CBFA2T3: variants seen among roughly 807,000 people sequenced by gnomAD.
CBFA2T3 encodes the protein transcriptional corepressor CBFA2T3.
In CBFA2T3, 31 loss-of-function variants were observed where a neutral mutation model predicts 58.6. That is an observed-to-expected ratio of 0.53 (90% CI 0.40 to 0.71). The LOEUF (loss-of-function observed/expected upper bound fraction) is 0.71, where lower values mean the gene tolerates loss of function less well. CBFA2T3 is among the 30% of genes least tolerant of loss of function. CBFA2T3 has a pLI of 0.00. For missense variants in CBFA2T3, 1,076 were observed against 963.1 expected (o/e 1.12, Z -1.55); for synonymous variants, 531 against 421.9 (o/e 1.26, Z -3.17).
intron 1 of CBFA2T3, among the ~76,000 whole-genome samples, chr16:88,975,074 T>C (rs1348995489): frequency 8.6e-6 from 1 of 116,748 alleles, no homozygotes; most frequent in African/African-American, 3.1e-5. Flanking sequence ...AGGGGCTCCC[T>C]GGGGGTGGGC....
intron 1 of CBFA2T3, among the ~76,000 whole-genome samples, chr16:88,973,602 C>T (rs556902247): frequency 2.6e-5 from 4 of 152,156 alleles, no homozygotes; most frequent in Non-Finnish European, 4.4e-5. Flanking sequence ...CAGAACATTC[C>T]AAACCCAGAA....
chr16:88,895,792 G>A (rs1035903035), intron 3 of CBFA2T3, among the ~76,000 whole-genome samples: 1 of 152,188 alleles, frequency 6.6e-6, no homozygotes, highest in Non-Finnish European at 1.5e-5. Context: ...AGACAGACAC[G>A]GCCCTGCCCT....
intron 1 of CBFA2T3, among the ~76,000 whole-genome samples, chr16:88,914,426 C>T (rs183716653): frequency 1.2e-4 from 18 of 152,348 alleles, no homozygotes; most frequent in African/African-American, 2.6e-4. Context: ...TGTCACGGGA[C>T]GCTCTCTATT....
intron 1 of CBFA2T3, among the ~76,000 whole-genome samples, chr16:88,946,791 GT>G: frequency 6.6e-6 from 1 of 150,934 alleles, no homozygotes; most frequent in Non-Finnish European, 1.5e-5. Flanking sequence ...GAGTTTTTTT[GT>G]TTGTTTATTT....
chr16:88,966,186 G>A (rs894527980), intron 1 of CBFA2T3, among the ~76,000 whole-genome samples: 6 of 152,234 alleles, frequency 3.9e-5, no homozygotes, highest in Non-Finnish European at 7.3e-5. Flanking sequence ...GGCCTGCACA[G>A]TCCCAGGACT....
At chr16:88,974,579 T>A (rs757349328) in intron 1 of CBFA2T3, among the ~76,000 whole-genome samples, 1 of 152,108 alleles carries the variant, frequency 6.6e-6, no homozygotes, top group Non-Finnish European at 1.5e-5. Context: ...ACGCCTTTGG[T>A]CTAAAGACAG....
intron 5 of CBFA2T3, among the ~76,000 whole-genome samples, chr16:88,889,247 G>C (rs1379858996): frequency 6.7e-6 from 1 of 150,214 alleles, no homozygotes. Context: ...CCATCTGGGA[G>C]CATGAGCACA....
rs374774667 is a variant in CBFA2T3, at chr16:88,976,608, G to A, written c.151+49C>T. 77 of 1,411,776 alleles carry A rather than the reference G, an allele frequency of 5.5e-5. No homozygotes were observed. The East Asian group carries it at 1.9e-3, about 35-fold the overall frequency. The allele number at this position is 1,411,776 out of a possible 1,614,324, so 87.5% of individuals were successfully genotyped here. ...CTAAGGAGTCACAGCCCCGGCACCG[G>A]CTGCCGCTCTCTGCCCCCACCCCAC... On this transcript the variant is annotated intron_variant, in intron 1 of 11. Transcript: ENST00000268679.
rs76759095 is a variant in CBFA2T3, at chr16:88,926,080, G to A, written c.152-24424C>T. Among the ~76,000 whole-genome samples the A allele has an allele frequency of 8.2e-3, 1,249 of 152,308 alleles. 6 individuals are homozygous for A. The highest frequency in any genetic ancestry group is 0.02 in the East Asian group (104 of 5,168). Reference sequence around the variant, plus strand: ...ATTGTGCAGGGAGCACTTGGTGGGCGCTGGGCGGTCTCACGTTCCCCACCT... The same window carrying A: ...ATTGTGCAGGGAGCACTTGGTGGGCACTGGGCGGTCTCACGTTCCCCACCT... On this transcript the variant is annotated intron_variant, in intron 1 of 11. Coordinates refer to ENST00000268679, the MANE Select transcript of CBFA2T3 (RefSeq NM_005187.6).
chr16:88,906,259 C>A (rs1204930768), intron 1 of CBFA2T3, among the ~76,000 whole-genome samples: 2 of 152,132 alleles, frequency 1.3e-5, no homozygotes, highest in African/African-American at 4.8e-5. Context: ...AGGTGCCTGG[C>A]TTCCCACCCC....
chr16:88,938,507 G>C (rs1177535201), intron 1 of CBFA2T3: 1 of 152,330 alleles, frequency 6.6e-6, no homozygotes, highest in African/African-American at 2.4e-5. Context: ...GGACGCGACA[G>C]TGCGTGTAAG....
intron 1 of CBFA2T3, among the ~76,000 whole-genome samples, chr16:88,963,274 C>CTCGTCTTCTGCCAGGGGTGGGCGT (rs1972414911): frequency 6.7e-6 from 1 of 148,992 alleles, no homozygotes; most frequent in African/African-American, 2.5e-5. Context: ...GGGGTGGGCG[C>CTCGTCTTCTGCCAGGGGTGGGCGT]TCGTCTTCTG....
chr16:88,917,589 T>G (rs1241114258), intron 1 of CBFA2T3, among the ~76,000 whole-genome samples: 1 of 152,132 alleles, frequency 6.6e-6, no homozygotes, highest in East Asian at 1.9e-4. Flanking sequence ...ATGTGTGAAT[T>G]GGCTGCAAAT....
intron 1 of CBFA2T3, among the ~76,000 whole-genome samples, chr16:88,954,312 G>GTCCTGACCCCACCCAAGGC (rs1972151645): frequency 2.7e-5 from 4 of 147,870 alleles, no homozygotes; most frequent in African/African-American, 5.0e-5. Context: ...CCACCCAAGG[G>GTCCTGACCCCACCCAAGGC]TCCTGACCCC....
chr16:88,879,742 T>C (rs1968990710), intron 10 of CBFA2T3: 2 of 423,216 alleles, frequency 4.7e-6, no homozygotes, highest in Admixed American at 3.8e-5. Flanking sequence ...CTGGGTCACG[T>C]GGTGTCACAA....
chr16:88,944,594 T>G (rs1477443267), intron 1 of CBFA2T3, among the ~76,000 whole-genome samples: 1 of 152,210 alleles, frequency 6.6e-6, no homozygotes, highest in Non-Finnish European at 1.5e-5. Context: ...TCCTGCCAAC[T>G]GCACTTCTGG....
chr16:88,964,187 C>T (rs1434916500), intron 1 of CBFA2T3, among the ~76,000 whole-genome samples: 1 of 152,232 alleles, frequency 6.6e-6, no homozygotes, highest in Non-Finnish European at 1.5e-5. Context: ...CTGTGTGCTG[C>T]TCCTGCCTGC....
intron 1 of CBFA2T3, among the ~76,000 whole-genome samples, chr16:88,960,383 G>A (rs772442665): frequency 1.3e-5 from 2 of 152,248 alleles, no homozygotes; most frequent in Non-Finnish European, 2.9e-5. Flanking sequence ...TAGCAGAGAA[G>A]ATGTGAAGAA....
chr16:88,936,084 A>G (rs1720414341), intron 1 of CBFA2T3, among the ~76,000 whole-genome samples: 1 of 152,070 alleles, frequency 6.6e-6, no homozygotes, highest in South Asian at 2.1e-4. Flanking sequence ...CTGCAGCTGG[A>G]GCTGCTTCCC....
Sources: gnomAD v4.1 joint callset for allele counts (sites outside exome capture counted in the v4.1 genomes callset) on GRCh38, gnomAD v4.1.1 for gene constraint, MANE v1.5 for transcripts, NCBI Gene and HGNC (gene_info 2026-07-23, HGNC 2026-07-21) for gene names.